TRDN: variants seen among roughly 807,000 people sequenced by gnomAD.
TRDN encodes the protein triadin in skeletal muscle.
In TRDN, 161 loss-of-function variants were observed where a neutral mutation model predicts 149.7. That is an observed-to-expected ratio of 1.08 (90% CI 0.95 to 1.23). The LOEUF (loss-of-function observed/expected upper bound fraction) is 1.23. TRDN is among the 50% of genes most tolerant of loss of function. TRDN has a pLI of 0.00. For synonymous variants in TRDN, 294 were observed against 250.5 expected, an observed-to-expected ratio of 1.17 and a Z score of -1.64; for missense variants, 896 against 823.5, an observed-to-expected ratio of 1.09 and a Z score of -1.08.
chr6:123,464,524 A>G, intron 10 of TRDN: 1 of 1,002,888 alleles, frequency 1.0e-6, no homozygotes, highest in Non-Finnish European at 1.2e-6. Flanking sequence ...AGCTAGGAAA[A>G]GGTGGAGCTC....
At chr6:123,370,594 A>C (rs1222897386) in intron 19 of TRDN, among the ~76,000 whole-genome samples, 1 of 152,168 alleles carries the variant, frequency 6.6e-6, no homozygotes, top group African/African-American at 2.4e-5. Flanking sequence ...TAATTTTCAT[A>C]GAAGTGAAAT....
chr6:123,551,777 C>G (rs1028355252), intron 2 of TRDN, among the ~76,000 whole-genome samples: 1 of 151,840 alleles, frequency 6.6e-6, no homozygotes, highest in Non-Finnish European at 1.5e-5. Flanking sequence ...CGTTTTACAC[C>G]CATTTTAGGC....
intron 21 of TRDN, among the ~76,000 whole-genome samples, chr6:123,343,594 T>C (rs1780143292): frequency 6.6e-6 from 1 of 151,994 alleles, no homozygotes; most frequent in Non-Finnish European, 1.5e-5. Flanking sequence ...TTTCAAAATA[T>C]ACTTCAAAAT....
In TRDN at chr6:123,428,050, G is replaced by A. The variant is rs372306798; in HGVS notation, c.1051+10013C>T. The stretch of plus-strand genomic sequence containing the variant: ...ATATCACCTAGATTTTCACCATCTA[G>A]AAATGACTTCTTGAAGAGAGTACTT... On this transcript the variant is annotated intron_variant, in intron 12 of 40. Transcript: ENST00000334268. Among the ~76,000 whole-genome samples, 151 of 152,254 alleles carry A rather than the reference G, an allele frequency of 9.9e-4. 2 individuals carry two copies. The South Asian group carries it at 0.022, about 22-fold the overall frequency.
chr6:123,401,952 GAAAAAAA>G (rs1322233071), intron 12 of TRDN, among the ~76,000 whole-genome samples: 1 of 75,124 alleles, frequency 1.3e-5, no homozygotes, highest in Non-Finnish European at 3.0e-5. Context: ...AACTCAAAAA[GAAAAAAA>G]AAAAAAAAAC....
chr6:123,300,884 T>C (rs1489541452), intron 24 of TRDN, among the ~76,000 whole-genome samples: 1 of 151,238 alleles, frequency 6.6e-6, no homozygotes, highest in East Asian at 1.9e-4. Flanking sequence ...TACCATTATG[T>C]CCATGAAGTC....
chr6:123,458,097 G>A, intron 10 of TRDN, among the ~76,000 whole-genome samples: 1 of 152,176 alleles, frequency 6.6e-6, no homozygotes, highest in Non-Finnish European at 1.5e-5. Context: ...TTAGAGTCAA[G>A]AGTAGATGAG....
chr6:123,521,542 C>T lies in TRDN; in HGVS notation c.485-5336G>A, dbSNP rs1176077959. 3.9e-5 allele frequency among the ~76,000 whole-genome samples: 6 copies of T among 152,048 alleles called. 1 individual carries two copies. The highest frequency in any genetic ancestry group is 2.0e-4 in the Admixed American group (3 of 15,242). On this transcript the variant is annotated intron_variant, in intron 5 of 40. Coordinates refer to ENST00000334268, the MANE Select transcript of TRDN (RefSeq NM_006073.4). ...GGAGAGAGGCATGGAACAGATTCTT[C>T]GTCACAGCCCTCAGAAAAAAACTCA...
chr6:123,629,307 G>C (rs1010240737), intron 1 of TRDN, among the ~76,000 whole-genome samples: 1 of 152,078 alleles, frequency 6.6e-6, no homozygotes, highest in Non-Finnish European at 1.5e-5. Flanking sequence ...ACATCCACGA[G>C]CTCACTAATG....
intron 32 of TRDN, among the ~76,000 whole-genome samples, chr6:123,266,362 T>C (rs1776975300): frequency 8.8e-6 from 1 of 113,200 alleles, no homozygotes; most frequent in South Asian, 2.4e-4. Flanking sequence ...ATATATATTA[T>C]GATATGTATT....
chr6:123,587,806 T>C (rs796095812), intron 1 of TRDN, among the ~76,000 whole-genome samples: 2 of 149,688 alleles, frequency 1.3e-5, no homozygotes, highest in East Asian at 2.0e-4. Flanking sequence ...GGTCACAAGG[T>C]ACTCAGTGGG....
intron 10 of TRDN, among the ~76,000 whole-genome samples, chr6:123,447,929 A>T (rs1002743366): frequency 3.5e-4 from 54 of 152,232 alleles, no homozygotes; most frequent in African/African-American, 1.3e-3. Flanking sequence ...CCAACTGTGG[A>T]AGTGGGAAAG....
At chr6:123,447,943 G>C (rs183128248) in intron 10 of TRDN, among the ~76,000 whole-genome samples, 43 of 152,246 alleles carry the variant, frequency 2.8e-4, no homozygotes, top group African/African-American at 9.6e-4. Flanking sequence ...GGGAAAGGGA[G>C]ACCCTCTTCT....
rs115274884 is a variant in TRDN at position 123,437,499 on chromosome 6, G to A, written c.1051+564C>T. 835 of 229,596 alleles carry A rather than the reference G, an allele frequency of 3.6e-3. 12 individuals are homozygous for A. The highest frequency in any genetic ancestry group is 0.019 in the African/African-American group (780 of 41,170). The allele number at this position is 229,596 out of a possible 1,614,324, so 14.2% of individuals were successfully genotyped here. A position where few individuals can be genotyped will look rare whatever the true frequency, so the allele number is the denominator to read the frequency against. On this transcript the variant is annotated intron_variant, in intron 12 of 40. Coordinates refer to ENST00000334268, the MANE Select transcript of TRDN (RefSeq NM_006073.4). ...GTGCTCACTACAGCCTCAACCTCCT[G>A]GGCTCAAGCAATGCTCCTGTCTTGG...
At chr6:123,266,789 T>C (rs1465788260) in intron 32 of TRDN, among the ~76,000 whole-genome samples, 1 of 132,540 alleles carries the variant, frequency 7.5e-6, no homozygotes, top group African/African-American at 2.8e-5. Flanking sequence ...TTATATATGT[T>C]ATATATTATA....
At chr6:123,583,724 A>T (rs111382686) in intron 1 of TRDN, among the ~76,000 whole-genome samples, 28 of 151,854 alleles carry the variant, frequency 1.8e-4, no homozygotes, top group Admixed American at 1.3e-3. Context: ...GTAGGAAAGG[A>T]CTCTACCTAT....
At chr6:123,543,128 A>T (rs1780933759) in intron 4 of TRDN, among the ~76,000 whole-genome samples, 1 of 152,096 alleles carries the variant, frequency 6.6e-6, no homozygotes, top group South Asian at 2.1e-4. Flanking sequence ...TCATGTATTC[A>T]TTAAATTTTT....
chr6:123,287,310 C>T (rs1777836245), intron 24 of TRDN, among the ~76,000 whole-genome samples: 1 of 152,092 alleles, frequency 6.6e-6, no homozygotes, highest in African/African-American at 2.4e-5. Flanking sequence ...TACGTACTCC[C>T]TAAGGTCTAT....
At chr6:123,227,830 C>T (rs1356486333) in intron 38 of TRDN, among the ~76,000 whole-genome samples, 5 of 151,902 alleles carry the variant, frequency 3.3e-5, no homozygotes, top group Admixed American at 3.3e-4. Flanking sequence ...TCACTGCAAC[C>T]TCCGAGGTGA....
Sources: gnomAD v4.1 joint callset for allele counts (sites outside exome capture counted in the v4.1 genomes callset) on GRCh38, gnomAD v4.1.1 for gene constraint, MANE v1.5 for transcripts, NCBI Gene and HGNC (gene_info 2026-07-23, HGNC 2026-07-21) for gene names.